CDH12: variants seen among roughly 807,000 people sequenced by gnomAD.
The protein encoded by CDH12 is cadherin-12.
In CDH12, 41 loss-of-function variants were observed where a neutral mutation model predicts 74.1. The observed-to-expected ratio is 0.55, with a 90% CI of 0.43 to 0.72. The LOEUF is 0.72. Ranked by LOEUF, CDH12 falls within the 30% of genes least tolerant of loss-of-function variation. CDH12 has a pLI of 0.00. For synonymous variants in CDH12, 399 were observed against 355.0 expected, an observed-to-expected ratio of 1.12 and a Z score of -1.39; for missense variants, 945 against 977.2, an observed-to-expected ratio of 0.97 and a Z score of 0.44.
At chr5:22,727,342 G>C (rs191626916) in intron 1 of CDH12, among the ~76,000 whole-genome samples, 21 of 151,664 alleles carry the variant, frequency 1.4e-4, no homozygotes, top group Non-Finnish European at 1.9e-4. Context: ...AAGAAGATTG[G>C]GAGGACAACC....
At chr5:22,761,996 T>C (rs2127057184) in intron 1 of CDH12, among the ~76,000 whole-genome samples, 1 of 151,890 alleles carries the variant, frequency 6.6e-6, no homozygotes, top group South Asian at 2.1e-4. Flanking sequence ...GCCAATGGTA[T>C]AAAGAAAGAT....
intron 4 of CDH12, among the ~76,000 whole-genome samples, chr5:22,153,873 TATATATATATATATAA>T (rs1414331716): frequency 4.2e-3 from 33 of 7,912 alleles, no homozygotes; most frequent in South Asian, 7.8e-3. Context: ...TATATATATG[TATATATATATATATAA>T]ATATATATAT....
chr5:22,030,547 G>A (rs1738747003), intron 5 of CDH12, among the ~76,000 whole-genome samples: 1 of 152,136 alleles, frequency 6.6e-6, no homozygotes, highest in Admixed American at 6.5e-5. Flanking sequence ...GTCATCCAGG[G>A]TTTGTTGTTT....
At chr5:22,148,978 C>T (rs6452060) in intron 4 of CDH12, among the ~76,000 whole-genome samples, 53,440 of 151,894 alleles carry the variant, frequency 0.35, 10,007 homozygotes, top group Middle Eastern at 0.47. Context: ...ATTAGCTGAC[C>T]GTGGTAGTGC....
intron 11 of CDH12, among the ~76,000 whole-genome samples, chr5:21,771,612 G>A (rs1225395435): frequency 2.6e-5 from 4 of 152,046 alleles, no homozygotes; most frequent in African/African-American, 9.7e-5. Flanking sequence ...TGGAGACCAA[G>A]GCTCTTATTA....
intron 3 of CDH12, among the ~76,000 whole-genome samples, chr5:22,388,029 G>A (rs945938846): frequency 2.0e-5 from 3 of 152,036 alleles, no homozygotes; most frequent in African/African-American, 7.2e-5. Context: ...GTCCACTGGA[G>A]GTAGAGTATA....
chr5:22,031,456 G>T (rs1738820013), intron 5 of CDH12, among the ~76,000 whole-genome samples: 1 of 152,140 alleles, frequency 6.6e-6, no homozygotes, highest in African/African-American at 2.4e-5. Context: ...TATCATTCAT[G>T]TGTTCGTGGA....
intron 3 of CDH12, chr5:22,212,863 C>T (rs953732976): frequency 6.6e-6 from 1 of 152,106 alleles, no homozygotes; most frequent in Non-Finnish European, 1.5e-5. Flanking sequence ...GGTGGGTCTC[C>T]CGGGAACTGG....
chr5:22,600,150 G>A (rs1162062584), intron 1 of CDH12, among the ~76,000 whole-genome samples: 1 of 152,034 alleles, frequency 6.6e-6, no homozygotes, highest in Non-Finnish European at 1.5e-5. Flanking sequence ...TTGCATGATG[G>A]GGGTGATAGC....
intron 6 of CDH12, among the ~76,000 whole-genome samples, chr5:21,905,975 T>TA (rs1469885532): frequency 6.6e-6 from 1 of 152,146 alleles, no homozygotes; most frequent in Admixed American, 6.5e-5. Context: ...GCTCAATACT[T>TA]ATATTTAGAA....
chr5:22,772,448 T>C (rs1479207058), intron 1 of CDH12, among the ~76,000 whole-genome samples: 1 of 151,978 alleles, frequency 6.6e-6, no homozygotes, highest in African/African-American at 2.4e-5. Context: ...AAGGAGTTCA[T>C]TTGAAAATGA....
At chr5:22,767,087 G>C (rs1746554035) in intron 1 of CDH12, among the ~76,000 whole-genome samples, 1 of 151,942 alleles carries the variant, frequency 6.6e-6, no homozygotes, top group African/African-American at 2.4e-5. Flanking sequence ...ACTATGATTA[G>C]AATGTTGGCA....
chr5:22,408,536 G>T (rs965901860), intron 2 of CDH12, among the ~76,000 whole-genome samples: 1 of 151,114 alleles, frequency 6.6e-6, no homozygotes, highest in Non-Finnish European at 1.5e-5. Flanking sequence ...TAACATTGAA[G>T]AATTCAAAAT....
chr5:22,614,001 T>C (rs1029005587), intron 1 of CDH12, among the ~76,000 whole-genome samples: 2 of 152,146 alleles, frequency 1.3e-5, no homozygotes, highest in Admixed American at 6.6e-5. Flanking sequence ...GTCTGGCTCC[T>C]GTCTTCTTCT....
intron 1 of CDH12, among the ~76,000 whole-genome samples, chr5:22,597,052 T>C (rs750008583): frequency 2.6e-5 from 4 of 152,176 alleles, no homozygotes; most frequent in African/African-American, 2.4e-5. Context: ...CTCTTTCTAT[T>C]AAAATAAATT....
chr5:22,752,858 G>A (rs1174461620), intron 1 of CDH12, among the ~76,000 whole-genome samples: 3 of 151,926 alleles, frequency 2.0e-5, no homozygotes, highest in African/African-American at 4.8e-5. Context: ...ACAGGCGTGA[G>A]CCACCGCGCC....
intron 4 of CDH12, among the ~76,000 whole-genome samples, chr5:22,114,076 C>G (rs1462354277): frequency 6.6e-6 from 1 of 152,084 alleles, no homozygotes; most frequent in African/African-American, 2.4e-5. Context: ...GGTGACCCAG[C>G]CCCAGTGTTT....
chr5:21,958,138 C>G (rs1168074581), intron 6 of CDH12, among the ~76,000 whole-genome samples: 1 of 152,138 alleles, frequency 6.6e-6, no homozygotes, highest in Non-Finnish European at 1.5e-5. Flanking sequence ...CTTCCTGCCG[C>G]TTTGTGAAAA....
intron 8 of CDH12, among the ~76,000 whole-genome samples, chr5:21,838,869 C>A (rs1749684742): frequency 6.6e-6 from 1 of 152,200 alleles, no homozygotes; most frequent in African/African-American, 2.4e-5. Flanking sequence ...TTCTACAAAC[C>A]AGCCTTCATC....
Sources: allele counts gnomAD v4.1 joint callset (sites outside exome capture counted in the v4.1 genomes callset), GRCh38; gene constraint gnomAD v4.1.1; transcripts MANE v1.5; gene names NCBI Gene and HGNC (gene_info 2026-07-23, HGNC 2026-07-21).